The following PRDM16 variants were observed in gnomAD, a reference collection of about 807,000 sequenced individuals.
PRDM16 encodes the protein PR/SET domain 16.
PRDM16 carries 23 observed loss-of-function variants against 110.6 expected under a neutral mutation model. That is an observed-to-expected ratio of 0.21 (90% CI 0.15 to 0.29). The LOEUF is 0.29. PRDM16 is among the 10% of genes least tolerant of loss of function. The probability of loss-of-function intolerance (pLI) is 1.00; values close to 1 mark genes in which losing one functional copy is unlikely to be tolerated. For synonymous variants in PRDM16, 799 were observed against 781.8 expected, an observed-to-expected ratio of 1.02 and a Z score of -0.37; for missense variants, 1,615 against 1,794.3, an observed-to-expected ratio of 0.90 and a Z score of 1.81.
At chr1:3,277,714 C>T (rs1640616943) in intron 3 of PRDM16, among the ~76,000 whole-genome samples, 1 of 149,576 alleles carries the variant, frequency 6.7e-6, no homozygotes, top group Non-Finnish European at 1.5e-5. Flanking sequence ...TGTTCACCCA[C>T]ATGCACACAC....
intron 2 of PRDM16, among the ~76,000 whole-genome samples, chr1:3,220,087 C>T (rs746517495): frequency 6.6e-5 from 10 of 152,242 alleles, no homozygotes; most frequent in African/African-American, 9.6e-5. Flanking sequence ...ATGGGTTTGC[C>T]TGCATCTCCA....
At chr1:3,242,646 C>T (rs952906723) in intron 2 of PRDM16, among the ~76,000 whole-genome samples, 1 of 152,218 alleles carries the variant, frequency 6.6e-6, no homozygotes, top group Non-Finnish European at 1.5e-5. Context: ...CACATTAGCG[C>T]AGGGTGACCC....
intron 3 of PRDM16, among the ~76,000 whole-genome samples, chr1:3,317,343 CG>C (rs752543597): frequency 3.3e-5 from 5 of 152,314 alleles, no homozygotes; most frequent in Non-Finnish European, 5.9e-5. Context: ...GGGCCCTCAC[CG>C]AGGCTGCAGC....
chr1:3,193,400 C>G (rs1165725908), intron 2 of PRDM16, among the ~76,000 whole-genome samples: 3 of 152,226 alleles, frequency 2.0e-5, no homozygotes, highest in Non-Finnish European at 4.4e-5. Context: ...GAAGGGGCAC[C>G]TGCCAGCCAC....
Position 3,211,427 on chromosome 1 carries a change from G to A in PRDM16, c.387+24953G>A, listed in dbSNP as rs549112698. Among the ~76,000 whole-genome samples, 180 of 152,362 alleles carry A rather than the reference G, an allele frequency of 1.2e-3. 1 individual carries two copies. The highest frequency in any genetic ancestry group is 4.3e-3 in the African/African-American group (179 of 41,588). Reference sequence around the variant, plus strand: ...GTCTGGTCCAGCAGTGTGAAAAGCCGTGGGCTTGATCTAGCTGGAGATGCG... The same window carrying A: ...GTCTGGTCCAGCAGTGTGAAAAGCCATGGGCTTGATCTAGCTGGAGATGCG... On this transcript the variant is annotated intron_variant, in intron 2 of 16. Coordinates refer to ENST00000270722, the MANE Select transcript of PRDM16 (RefSeq NM_022114.4).
At chr1:3,351,625 T>C in intron 3 of PRDM16, among the ~76,000 whole-genome samples, 1 of 33,866 alleles carries the variant, frequency 3.0e-5, no homozygotes, top group Admixed American at 2.7e-4. Flanking sequence ...CCTCCCTCTC[T>C]CCCCCTCCCT....
intron 3 of PRDM16, among the ~76,000 whole-genome samples, chr1:3,260,332 G>T (rs1640131809): frequency 6.6e-6 from 1 of 152,144 alleles, no homozygotes; most frequent in Admixed American, 6.5e-5. Flanking sequence ...CCCCCATGAG[G>T]GTCTGTCCAC....
At chr1:3,431,138 G>T (rs765517377) in intron 15 of PRDM16, 30 bp downstream of exon 15, 58 of 1,541,978 alleles carry the variant, frequency 3.8e-5, no homozygotes, top group Non-Finnish European at 4.6e-5. Flanking sequence ...CCAGGATGGG[G>T]CAGGGAGGGA....
At chr1:3,116,918 C>T (rs1037214564) in intron 1 of PRDM16, among the ~76,000 whole-genome samples, 1 of 152,206 alleles carries the variant, frequency 6.6e-6, no homozygotes, top group Non-Finnish European at 1.5e-5. Context: ...AGCCCAAGCC[C>T]GACCTCCCTC....
intron 3 of PRDM16, among the ~76,000 whole-genome samples, chr1:3,376,123 TG>T (rs1443523542): frequency 2.0e-5 from 3 of 152,058 alleles, no homozygotes; most frequent in Non-Finnish European, 2.9e-5. Flanking sequence ...TGAGCCTCCA[TG>T]TTTGCAGGGC....
At chr1:3,073,026 G>A (rs974554359) in intron 1 of PRDM16, among the ~76,000 whole-genome samples, 10 of 152,230 alleles carry the variant, frequency 6.6e-5, no homozygotes, top group African/African-American at 2.4e-4. Context: ...ACCACCAGAC[G>A]CCCACTCGGG....
intron 2 of PRDM16, among the ~76,000 whole-genome samples, chr1:3,218,071 C>A (rs1234852370): frequency 6.6e-6 from 1 of 152,230 alleles, no homozygotes; most frequent in Non-Finnish European, 1.5e-5. Context: ...CGCCCCCATC[C>A]CATCCCTCGC....
At chr1:3,124,078 C>T (rs1643153161) in intron 1 of PRDM16, among the ~76,000 whole-genome samples, 1 of 152,202 alleles carries the variant, frequency 6.6e-6, no homozygotes, top group African/African-American at 2.4e-5. Context: ...GATGTGCCCC[C>T]ACCCGTGAGA....
intron 2 of PRDM16, among the ~76,000 whole-genome samples, chr1:3,218,854 G>A (rs970000911): frequency 5.3e-5 from 8 of 152,194 alleles, no homozygotes; most frequent in South Asian, 2.1e-4. Context: ...CAGAAATCCC[G>A]TAACCCAGCT....
At chr1:3,260,688 G>A in intron 3 of PRDM16, among the ~76,000 whole-genome samples, 1 of 5,848 alleles carries the variant, frequency 1.7e-4, no homozygotes, top group African/African-American at 7.6e-4. Context: ...TGATTATGAT[G>A]GTGTTGATGA....
rs146170116 is a variant in PRDM16 at position 3,162,850 on chromosome 1, A to AG, written c.38-23272dup. Among the ~76,000 whole-genome samples, 215 of 135,614 alleles carry AG rather than the reference A, an allele frequency of 1.6e-3. 2 individuals are homozygous for AG. The highest frequency in any genetic ancestry group is 5.8e-3 in the African/African-American group (193 of 33,152). 89.0% of individuals were successfully genotyped at this position (135,614 alleles called of 152,430 possible). ...GCGGCACCTCCGCAGGAGTGGTGTCAGGGCCCCCGGCTCTAGAGGGCTTTG... is the reference window on the plus strand; with the variant it reads ...GCGGCACCTCCGCAGGAGTGGTGTCAGGGGCCCCCGGCTCTAGAGGGCTTTG... On this transcript the variant is annotated intron_variant, in intron 1 of 16. Coordinates refer to ENST00000270722, the MANE Select transcript of PRDM16 (RefSeq NM_022114.4).
At chr1:3,378,271 T>G (rs1643030096) in intron 3 of PRDM16, among the ~76,000 whole-genome samples, 1 of 152,176 alleles carries the variant, frequency 6.6e-6, no homozygotes, top group East Asian at 1.9e-4. Context: ...CAGATGCAAC[T>G]TGGGCAGCCG....
intron 2 of PRDM16, among the ~76,000 whole-genome samples, chr1:3,196,059 C>A (rs1216423727): frequency 1.3e-5 from 2 of 152,212 alleles, no homozygotes; most frequent in African/African-American, 4.8e-5. Flanking sequence ...TTTGTCCATG[C>A]AGGGGCCCAG....
chr1:3,144,443 C>T (rs1338469400), intron 1 of PRDM16, among the ~76,000 whole-genome samples: 1 of 152,152 alleles, frequency 6.6e-6, no homozygotes, highest in African/African-American at 2.4e-5. Flanking sequence ...GGGTCATTCC[C>T]ACTCGGCCAG....
Sources: allele counts gnomAD v4.1 joint callset (sites outside exome capture counted in the v4.1 genomes callset), GRCh38; gene constraint gnomAD v4.1.1; transcripts MANE v1.5; gene names NCBI Gene and HGNC (gene_info 2026-07-23, HGNC 2026-07-21).